PCDH15: variants seen among roughly 807,000 people sequenced by gnomAD.
The protein encoded by PCDH15 is protocadherin related 15, also known as protocadherin-15.
Under a neutral mutation model 178.5 loss-of-function variants are expected in PCDH15, and 129 were observed. That is an observed-to-expected ratio of 0.72 (90% CI 0.63 to 0.84). The LOEUF (loss-of-function observed/expected upper bound fraction) is 0.84. Among genes scored for constraint, PCDH15 ranks in the 40% least tolerant of loss-of-function variants. The pLI is 0.00. For synonymous variants in PCDH15, 800 were observed against 732.0 expected (o/e 1.09, Z -1.50); for missense variants, 2,230 against 2,099.9 (o/e 1.06, Z -1.21).
intron 2 of PCDH15, among the ~76,000 whole-genome samples, chr10:55,419,302 T>C (rs1158864354): frequency 6.6e-6 from 1 of 151,718 alleles, no homozygotes; most frequent in African/African-American, 2.4e-5. Flanking sequence ...CATGCTTAGT[T>C]GTAGATTGCA....
chr10:54,289,735 A>G (rs1369876208), intron 8 of PCDH15, among the ~76,000 whole-genome samples: 1 of 152,206 alleles, frequency 6.6e-6, no homozygotes, highest in Non-Finnish European at 1.5e-5. Context: ...ATGGCACAAG[A>G]ACTTTGTGAT....
At chr10:54,847,930 T>A (rs1427638707) in intron 3 of PCDH15, among the ~76,000 whole-genome samples, 1 of 152,186 alleles carries the variant, frequency 6.6e-6, no homozygotes, top group Non-Finnish European at 1.5e-5. Context: ...CAAGCCCATA[T>A]ACTTTGTATG....
chr10:55,278,588 T>C (rs1210194333), intron 1 of PCDH15, among the ~76,000 whole-genome samples: 2 of 152,160 alleles, frequency 1.3e-5, no homozygotes, highest in Non-Finnish European at 2.9e-5. Context: ...ATCAGTTTTA[T>C]CCATATCAAC....
chr10:53,933,206 G>A (rs1027841769), intron 25 of PCDH15, among the ~76,000 whole-genome samples: 7 of 151,368 alleles, frequency 4.6e-5, no homozygotes, highest in African/African-American at 1.7e-4. Flanking sequence ...TAAGTTTTAG[G>A]GTATATGTGC....
At chr10:54,787,354 CT>C (rs761395990) in intron 1 of PCDH15, among the ~76,000 whole-genome samples, 109 of 151,716 alleles carry the variant, frequency 7.2e-4, no homozygotes, top group Non-Finnish European at 1.3e-3. Context: ...TGATACAATC[CT>C]TTATCTAAAA....
At chr10:55,011,974 T>C (rs1840056958) in intron 2 of PCDH15, among the ~76,000 whole-genome samples, 1 of 152,036 alleles carries the variant, frequency 6.6e-6, no homozygotes, top group African/African-American at 2.4e-5. Context: ...AATCTTTTGG[T>C]CCATTTCTGA....
intron 4 of PCDH15, among the ~76,000 whole-genome samples, chr10:54,377,554 GATTT>G (rs1269322031): frequency 6.6e-6 from 1 of 152,128 alleles, no homozygotes; most frequent in Non-Finnish European, 1.5e-5. Flanking sequence ...GGCAAATTGA[GATTT>G]ATTAAAGACT....
intron 1 of PCDH15, among the ~76,000 whole-genome samples, chr10:55,250,308 T>C (rs899775585): frequency 6.6e-6 from 1 of 151,802 alleles, no homozygotes; most frequent in South Asian, 2.1e-4. Context: ...TATGACTGGA[T>C]AATTTATTTA....
intron 2 of PCDH15, among the ~76,000 whole-genome samples, chr10:55,384,018 T>C (rs889240951): frequency 1.3e-5 from 2 of 152,152 alleles, no homozygotes; most frequent in African/African-American, 4.8e-5. Context: ...TTTCATACTC[T>C]CAGTAAATTG....
At chr10:54,907,657 T>G (rs939117229) in intron 2 of PCDH15, among the ~76,000 whole-genome samples, 5 of 152,146 alleles carry the variant, frequency 3.3e-5, no homozygotes, top group African/African-American at 1.2e-4. Context: ...AATATGAAAT[T>G]TATCCTCTTT....
intron 32 of PCDH15, among the ~76,000 whole-genome samples, chr10:53,826,674 A>T (rs2076700998): frequency 6.6e-6 from 1 of 152,134 alleles, no homozygotes; most frequent in Admixed American, 6.5e-5. Context: ...TTATACAAGC[A>T]ACTGTGAGGT....
At position 54,469,895 on chromosome 10, in the gene PCDH15, G is replaced by A. The variant is rs7093404; in HGVS notation, c.157+57917C>T. ...GGCTTGCAGTTGGTGCATACATGCGGGTACTAGCTGTGGTGGTAGCATAGG... is the reference window on the plus strand; with the variant it reads ...GGCTTGCAGTTGGTGCATACATGCGAGTACTAGCTGTGGTGGTAGCATAGG... On this transcript the variant is annotated intron_variant, in intron 3 of 37. Transcript: ENST00000644397. 8.1e-3 allele frequency among the ~76,000 whole-genome samples: 1,241 copies of A among 152,272 alleles called. 22 individuals carry two copies. Among genetic ancestry groups the A allele is most frequent in the African/African-American group, 0.028 (1,172 of 41,566 alleles).
At chr10:55,132,933 G>C (rs996554431) in intron 2 of PCDH15, among the ~76,000 whole-genome samples, 1 of 152,092 alleles carries the variant, frequency 6.6e-6, no homozygotes, top group African/African-American at 2.4e-5. Context: ...TTGTTTCATT[G>C]GTTACTTGGT....
intron 1 of PCDH15, among the ~76,000 whole-genome samples, chr10:55,248,799 C>G (rs1173299809): frequency 2.0e-5 from 3 of 152,092 alleles, no homozygotes; most frequent in Non-Finnish European, 4.4e-5. Context: ...TCAAGTGATT[C>G]CCCCACCTCA....
intron 3 of PCDH15, among the ~76,000 whole-genome samples, chr10:54,504,683 C>G (rs2081015045): frequency 6.6e-6 from 1 of 152,056 alleles, no homozygotes; most frequent in Non-Finnish European, 1.5e-5. Context: ...TTTTGTTCAG[C>G]TAATTATATG....
At chr10:53,809,885 A>G (rs1006571705) in intron 37 of PCDH15, among the ~76,000 whole-genome samples, 2 of 152,178 alleles carry the variant, frequency 1.3e-5, no homozygotes, top group African/African-American at 4.8e-5. Context: ...TTAGGTTAAT[A>G]GCTTTCTGTA....
chr10:53,984,992 TCTCA>T lies in PCDH15; in HGVS notation c.2868+10653_2868+10656del, dbSNP rs1490158477. ...TAGGCAAGTTCTCTTAGGATTCTAT[TCTCA>T]CTATGTGAAAAGCAGGCCTGGTTAG... On this transcript the variant is annotated intron_variant, in intron 21 of 37. Coordinates refer to ENST00000644397, the MANE Select transcript of PCDH15 (RefSeq NM_001384140.1). Among the ~76,000 whole-genome samples, 3 of 152,290 alleles carry T rather than the reference TCTCA, an allele frequency of 2.0e-5. No homozygotes were observed. The East Asian group carries it at 5.8e-4, about 29-fold the overall frequency.
chr10:53,859,000 CTCCT>C (rs1419125871), intron 27 of PCDH15, among the ~76,000 whole-genome samples: 40 of 151,896 alleles, frequency 2.6e-4, no homozygotes, highest in African/African-American at 8.7e-4. Flanking sequence ...CCTCCCTCCC[CTCCT>C]TCCTTCCTTC....
At chr10:54,710,214 C>G (rs10825380) in intron 1 of PCDH15, among the ~76,000 whole-genome samples, 18,489 of 151,788 alleles carry the variant, frequency 0.12, 1,257 homozygotes, top group African/African-American at 0.17. Flanking sequence ...CTCAAGTGGA[C>G]GATCATGCAA....
Sources: allele counts gnomAD v4.1 joint callset (sites outside exome capture counted in the v4.1 genomes callset), GRCh38; gene constraint gnomAD v4.1.1; transcripts MANE v1.5; gene names NCBI Gene and HGNC (gene_info 2026-07-23, HGNC 2026-07-21).